XKR6: variants seen among roughly 807,000 people sequenced by gnomAD.
XKR6 encodes the protein XK related 6, also known as XK-related protein 6.
Under a neutral mutation model 56.7 loss-of-function variants are expected in XKR6, and 22 were observed. The observed-to-expected ratio is 0.39, with a 90% CI of 0.28 to 0.55. The LOEUF (loss-of-function observed/expected upper bound fraction) is 0.55, where lower values mean the gene tolerates loss of function less well. Ranked by LOEUF, XKR6 falls within the 20% of genes least tolerant of loss-of-function variation. The probability of loss-of-function intolerance (pLI) is 0.66; values close to 1 mark genes in which losing one functional copy is unlikely to be tolerated. For synonymous variants in XKR6, 524 were observed against 387.8 expected (o/e 1.35, Z -4.13); for missense variants, 852 against 889.0 (o/e 0.96, Z 0.53).
intron 2 of XKR6, among the ~76,000 whole-genome samples, chr8:10,906,771 C>T (rs752201012): frequency 6.6e-6 from 1 of 152,140 alleles, no homozygotes; most frequent in African/African-American, 2.4e-5. Flanking sequence ...TGGTGGCTCA[C>T]GCTTGTAATC....
chr8:10,899,671 C>A (rs1478213311), intron 2 of XKR6, among the ~76,000 whole-genome samples: 1 of 152,204 alleles, frequency 6.6e-6, no homozygotes, highest in African/African-American at 2.4e-5. Flanking sequence ...TCTCTGGTTG[C>A]CCTCTGGGTT....
intron 1 of XKR6, among the ~76,000 whole-genome samples, chr8:11,158,711 T>C (rs1307200986): frequency 6.6e-6 from 1 of 152,194 alleles, no homozygotes; most frequent in Non-Finnish European, 1.5e-5. Flanking sequence ...CTCCAGCATG[T>C]GCACAGACAG....
chr8:11,126,998 C>G lies in XKR6; in HGVS notation c.764+73578G>C, dbSNP rs116219867. ...CAAAGAAATCAAAGCAACTGGTCAT[C>G]TAACATATATTTAACAACATCAGGG... On this transcript the variant is annotated intron_variant, in intron 1 of 2. Transcript: ENST00000416569. Among the ~76,000 whole-genome samples the G allele has an allele frequency of 5.7e-3, 875 of 152,270 alleles. 12 individuals are homozygous for G. Among genetic ancestry groups the G allele is most frequent in the African/African-American group, 0.02 (842 of 41,540 alleles).
chr8:11,073,511 A>C (rs1387918063), intron 1 of XKR6, among the ~76,000 whole-genome samples: 1 of 152,196 alleles, frequency 6.6e-6, no homozygotes, highest in Non-Finnish European at 1.5e-5. Flanking sequence ...CTCTGGTAAT[A>C]ACATTCCCTG....
intron 1 of XKR6, among the ~76,000 whole-genome samples, chr8:11,011,997 G>A (rs1040255843): frequency 1.3e-5 from 2 of 152,226 alleles, no homozygotes; most frequent in Non-Finnish European, 2.9e-5. Flanking sequence ...CACAGGTGGG[G>A]TGTCCACATG....
chr8:11,186,012 T>G (rs1803253089), intron 1 of XKR6, among the ~76,000 whole-genome samples: 1 of 152,238 alleles, frequency 6.6e-6, no homozygotes, highest in African/African-American at 2.4e-5. Context: ...TCGAGGGGAC[T>G]GTGCATCAGA....
intron 1 of XKR6, among the ~76,000 whole-genome samples, chr8:11,046,542 G>A (rs1799415986): frequency 6.6e-6 from 1 of 152,216 alleles, no homozygotes; most frequent in Non-Finnish European, 1.5e-5. Context: ...TAACTCAAGT[G>A]TTCACCGGTG....
intron 1 of XKR6, among the ~76,000 whole-genome samples, chr8:11,038,533 GT>G (rs1799204341): frequency 6.7e-6 from 1 of 149,298 alleles, no homozygotes; most frequent in African/African-American, 2.5e-5. Flanking sequence ...GTGTGTGTGT[GT>G]GTGTGTGTGT....
At chr8:11,124,265 A>C (rs1799640260) in intron 1 of XKR6, 3 of 345,720 alleles carry the variant, frequency 8.7e-6, no homozygotes, top group South Asian at 6.8e-5. Flanking sequence ...CCCCTCTGTT[A>C]GGCAAAACAC....
intron 1 of XKR6, among the ~76,000 whole-genome samples, chr8:10,993,547 C>G (rs1798041617): frequency 6.6e-6 from 1 of 152,222 alleles, no homozygotes; most frequent in African/African-American, 2.4e-5. Flanking sequence ...CAGTGCTCAG[C>G]CGTTCCAAAA....
chr8:11,060,216 G>A (rs1380536987), intron 1 of XKR6, among the ~76,000 whole-genome samples: 1 of 152,188 alleles, frequency 6.6e-6, no homozygotes, highest in Non-Finnish European at 1.5e-5. Context: ...GTAAAAGGAA[G>A]TGACATCTGG....
intron 1 of XKR6, among the ~76,000 whole-genome samples, chr8:11,136,000 G>C (rs1157862601): frequency 6.6e-6 from 1 of 152,126 alleles, no homozygotes; most frequent in Admixed American, 6.5e-5. Context: ...ACAATTCTAA[G>C]AGGCATTCTT....
chr8:10,930,091 C>T (rs79050742), intron 1 of XKR6, among the ~76,000 whole-genome samples: 4,318 of 152,216 alleles, frequency 0.028, 223 homozygotes, highest in African/African-American at 0.099. Context: ...GAGAAGGTCT[C>T]GTCCAAACTA....
At chr8:11,166,268 G>A (rs901077950) in intron 1 of XKR6, among the ~76,000 whole-genome samples, 36 of 152,060 alleles carry the variant, frequency 2.4e-4, no homozygotes, top group African/African-American at 6.0e-4. Flanking sequence ...CATATTTATC[G>A]CTGCTTTGGG....
In XKR6 at chr8:10,940,641, C is replaced by T. The variant is rs532396626; in HGVS notation, c.765-15811G>A. ...GCCACGCAACACAGGTCCCACCCTC[C>T]TCCTGGGGCTCCCAAGATCTCACCA... On this transcript the variant is annotated intron_variant, in intron 1 of 2. Transcript: ENST00000416569. 7.0e-4 allele frequency among the ~76,000 whole-genome samples: 107 copies of T among 152,324 alleles called. 1 individual carries two copies. The highest frequency in any genetic ancestry group is 2.5e-3 in the African/African-American group (104 of 41,576).
At chr8:11,068,924 A>G (rs1374948452) in intron 1 of XKR6, among the ~76,000 whole-genome samples, 1 of 152,164 alleles carries the variant, frequency 6.6e-6, no homozygotes, top group African/African-American at 2.4e-5. Flanking sequence ...TCCTGCACCT[A>G]CATTCTCCCA....
intron 2 of XKR6, among the ~76,000 whole-genome samples, chr8:10,902,159 C>T (rs1391856746): frequency 1.3e-5 from 2 of 152,236 alleles, no homozygotes; most frequent in Admixed American, 1.3e-4. Context: ...AGACATTCCT[C>T]AGTGTTGCAA....
intron 1 of XKR6, among the ~76,000 whole-genome samples, chr8:11,133,224 T>C (rs544435677): frequency 9.9e-5 from 15 of 152,174 alleles, no homozygotes; most frequent in African/African-American, 3.1e-4. Flanking sequence ...AACATGATCA[T>C]TGCTCTGTTT....
At chr8:10,908,850 G>C (rs944466319) in intron 2 of XKR6, among the ~76,000 whole-genome samples, 1 of 151,998 alleles carries the variant, frequency 6.6e-6, no homozygotes, top group Non-Finnish European at 1.5e-5. Flanking sequence ...GTTTATCCAG[G>C]GAGTGGGTTC....
Sources: allele counts gnomAD v4.1 joint callset (sites outside exome capture counted in the v4.1 genomes callset), GRCh38; gene constraint gnomAD v4.1.1; transcripts MANE v1.5; gene names NCBI Gene and HGNC (gene_info 2026-07-23, HGNC 2026-07-21).